Variants in DMXL1 observed in about 807,000 individuals in gnomAD.
The protein encoded by DMXL1 is Dmx like 1.
Under a neutral mutation model 319.2 loss-of-function variants are expected in DMXL1, and 99 were observed. The ratio of observed to expected loss-of-function variants is 0.31; its 90% CI spans 0.26 to 0.37. The LOEUF (loss-of-function observed/expected upper bound fraction) is 0.37. DMXL1 is among the 10% of genes least tolerant of loss of function. DMXL1 has a pLI of 1.00. For missense variants in DMXL1, 3,745 were observed against 3,595.6 expected, an observed-to-expected ratio of 1.04 and a Z score of -1.06; for synonymous variants, 1,385 against 1,235.2, an observed-to-expected ratio of 1.12 and a Z score of -2.54.
intron 28 of DMXL1, chr5:119,178,685 G>A (rs1008607337): frequency 1.0e-6 from 1 of 983,840 alleles, no homozygotes. Flanking sequence ...TCCCAGTCTT[G>A]CAGGCAAGAT....
At chr5:119,185,467 A>T (rs1777548316) in intron 28 of DMXL1, among the ~76,000 whole-genome samples, 1 of 152,102 alleles carries the variant, frequency 6.6e-6, no homozygotes, top group Admixed American at 6.5e-5. Context: ...AGTCTTTCTA[A>T]AAGCTGGATA....
chr5:119,135,243 A>G (rs1765746626), intron 13 of DMXL1, among the ~76,000 whole-genome samples: 1 of 152,190 alleles, frequency 6.6e-6, no homozygotes, highest in Non-Finnish European at 1.5e-5. Context: ...AAAACAGGTA[A>G]AAATTTGTAT....
intron 29 of DMXL1, among the ~76,000 whole-genome samples, chr5:119,191,477 A>G (rs1778687972): frequency 6.6e-6 from 1 of 152,142 alleles, no homozygotes; most frequent in Non-Finnish European, 1.5e-5. Context: ...TATTCAACAA[A>G]TGTTTATTAA....
chr5:119,216,248 T>A (rs2150551169), intron 34 of DMXL1, among the ~76,000 whole-genome samples: 1 of 152,280 alleles, frequency 6.6e-6, no homozygotes, highest in East Asian at 1.9e-4. Flanking sequence ...CAAAGATGTA[T>A]ACACTTTGTC....
intron 25 of DMXL1, among the ~76,000 whole-genome samples, chr5:119,172,931 A>T (rs563657627): frequency 1.3e-5 from 2 of 152,300 alleles, no homozygotes; most frequent in African/African-American, 4.8e-5. Flanking sequence ...AGTGCTTATT[A>T]TACAGTTTGG....
intron 4 of DMXL1, among the ~76,000 whole-genome samples, chr5:119,106,714 A>G (rs185217681): frequency 5.3e-5 from 8 of 152,310 alleles, no homozygotes; most frequent in African/African-American, 1.7e-4. Flanking sequence ...CAGGAGAAGG[A>G]GTGACCTTTG....
chr5:119,168,822 G>A (rs1021650433), intron 23 of DMXL1, among the ~76,000 whole-genome samples: 6 of 151,980 alleles, frequency 3.9e-5, no homozygotes, highest in African/African-American at 7.2e-5. Context: ...CCAAAGTCTG[G>A]AATTACAGGC....
intron 40 of DMXL1, chr5:119,238,764 G>A: frequency 7.9e-6 from 3 of 378,720 alleles, no homozygotes; most frequent in Non-Finnish European, 1.1e-5. Context: ...AGAAGTAGAG[G>A]CAAAACAAAT....
At chr5:119,120,477 A>G (rs1761804160) in intron 8 of DMXL1, among the ~76,000 whole-genome samples, 2 of 152,246 alleles carry the variant, frequency 1.3e-5, no homozygotes, top group South Asian at 2.1e-4. Flanking sequence ...GGGAATAACA[A>G]TATTTGCACT....
rs574067371 is a variant in DMXL1 at position 119,165,041 on chromosome 5, A to G, written c.4873-142A>G. ...TAAGTCACTTTTGTTATTATTTTAT[A>G]TATACATGCACATATTATTCATATA... is the stretch of plus-strand genomic sequence containing the variant. On this transcript the variant is annotated intron_variant, in intron 20 of 43. Transcript: ENST00000539542. 28 of 549,450 alleles carry G rather than the reference A, an allele frequency of 5.1e-5. No homozygotes were observed. The South Asian group carries it at 7.7e-4, about 15-fold the overall frequency. 34.0% of individuals were successfully genotyped at this position (549,450 alleles called of 1,614,324 possible). A position where few individuals can be genotyped will look rare whatever the true frequency, so the allele number is the denominator to read the frequency against.
intron 38 of DMXL1, 38 bp from the exon 39 acceptor site, chr5:119,233,302 T>C: frequency 6.3e-7 from 1 of 1,587,312 alleles, no homozygotes; most frequent in South Asian, 1.2e-5. Context: ...CAAAGATTCT[T>C]GAAATAAATC....
chr5:119,232,780 C>T (rs1278497032), intron 38 of DMXL1, among the ~76,000 whole-genome samples: 1 of 151,438 alleles, frequency 6.6e-6, no homozygotes, highest in African/African-American at 2.4e-5. Flanking sequence ...TAAAGACCAG[C>T]CTTGGCAACA....
intron 28 of DMXL1, among the ~76,000 whole-genome samples, chr5:119,179,967 A>G (rs1162220550): frequency 6.6e-6 from 1 of 152,216 alleles, no homozygotes; most frequent in Admixed American, 6.5e-5. Context: ...TCCATTTGGT[A>G]TCTCACAACT....
intron 10 of DMXL1, among the ~76,000 whole-genome samples, chr5:119,131,605 G>T (rs190767036): frequency 6.6e-6 from 1 of 152,250 alleles, no homozygotes; most frequent in East Asian, 1.9e-4. Flanking sequence ...TTTACCATGA[G>T]CAAAACTGAG....
chr5:119,072,200 T>C (rs1749757301), intron 1 of DMXL1, among the ~76,000 whole-genome samples: 1 of 152,190 alleles, frequency 6.6e-6, no homozygotes, highest in Non-Finnish European at 1.5e-5. Context: ...AAAAAAGCCT[T>C]TTCATTTTTA....
intron 33 of DMXL1, among the ~76,000 whole-genome samples, chr5:119,205,684 A>C (rs981940431): frequency 6.6e-6 from 1 of 152,042 alleles, no homozygotes; most frequent in Non-Finnish European, 1.5e-5. Flanking sequence ...GATACTCTTA[A>C]AATAGTGTCT....
At chr5:119,219,564 A>ATTTATTT (rs1561902737) in intron 35 of DMXL1, among the ~76,000 whole-genome samples, 11 of 146,264 alleles carry the variant, frequency 7.5e-5, no homozygotes, top group African/African-American at 3.0e-4. Context: ...TTAATTAATT[A>ATTTATTT]ATTAATTTAT....
intron 32 of DMXL1, among the ~76,000 whole-genome samples, chr5:119,199,825 G>A (rs1780358352): frequency 2.0e-5 from 3 of 152,128 alleles, no homozygotes; most frequent in African/African-American, 7.2e-5. Flanking sequence ...TTTCTCAAAT[G>A]ATCAGTTATA....
intron 28 of DMXL1, among the ~76,000 whole-genome samples, chr5:119,182,470 G>T (rs1164571268): frequency 6.6e-6 from 1 of 152,014 alleles, no homozygotes; most frequent in Non-Finnish European, 1.5e-5. Context: ...ATTATGAGAG[G>T]AATTTGAAAG....
Sources: allele counts gnomAD v4.1 joint callset (sites outside exome capture counted in the v4.1 genomes callset), GRCh38; gene constraint gnomAD v4.1.1; transcripts MANE v1.5; gene names NCBI Gene and HGNC (gene_info 2026-07-23, HGNC 2026-07-21).